Variants in TRPC5 observed in about 807,000 individuals in gnomAD.
TRPC5 encodes short transient receptor potential channel 5.
A neutral mutation model predicts 56.5 loss-of-function variants in TRPC5; 9 were observed. The observed-to-expected ratio is 0.16, with a 90% confidence interval of 0.10 to 0.28. The LOEUF is 0.28. TRPC5 is among the 10% of genes least tolerant of loss of function. TRPC5 has a pLI of 1.00. For synonymous variants in TRPC5, 282 were observed against 278.5 expected (o/e 1.01, Z -0.13); for missense variants, 469 against 748.9 (o/e 0.63, Z 4.36).
rs2148544918 is a variant in TRPC5, at chrX:111,772,315, G to T, written c.*3998C>A. ...GGATTGAAGGTAGGGCTGTGAAGTA[G>T]GTATGAAGAGGTTATTTAAATGATC... On this transcript the variant is annotated 3_prime_UTR_variant, in exon 11 of 11. Coordinates refer to ENST00000262839, the MANE Select transcript of TRPC5 (RefSeq NM_012471.3). Among the ~76,000 whole-genome samples the T allele has an allele frequency of 8.9e-6, 1 of 112,124 alleles. No homozygotes were observed. The highest frequency in any genetic ancestry group is 9.5e-5 in the Admixed American group (1 of 10,548).
intron 3 of TRPC5, among the ~76,000 whole-genome samples, chrX:111,860,815 T>C (rs1462632739): frequency 8.9e-6 from 1 of 112,163 alleles, no homozygotes; most frequent in Non-Finnish European, 1.9e-5. Context: ...TGCCAAATAA[T>C]CCTGTTTACC....
chrX:111,785,268 CAG>C (rs1452032774), intron 7 of TRPC5, among the ~76,000 whole-genome samples: 1 of 112,060 alleles, frequency 8.9e-6, no homozygotes, highest in Admixed American at 9.5e-5. Flanking sequence ...CGCAGGTAAA[CAG>C]GGTCTGGAGT....
At chrX:111,849,189 C>T (rs1178924280) in intron 5 of TRPC5, among the ~76,000 whole-genome samples, 3 of 112,185 alleles carry the variant, frequency 2.7e-5, no homozygotes, top group Non-Finnish European at 5.6e-5. Flanking sequence ...AGAACTGTAA[C>T]CTCAGGGATG....
intron 1 of TRPC5, among the ~76,000 whole-genome samples, chrX:112,079,513 T>C (rs969304896): frequency 8.9e-6 from 1 of 112,244 alleles, no homozygotes; most frequent in African/African-American, 3.2e-5. Context: ...ACATATGAGT[T>C]GATTTCTGGA....
At chrX:112,068,892 C>T (rs1930650990) in intron 1 of TRPC5, among the ~76,000 whole-genome samples, 4 of 111,642 alleles carry the variant, frequency 3.6e-5, no homozygotes, top group Admixed American at 2.9e-4. Flanking sequence ...GTATTGTATA[C>T]TTTTTACACA....
intron 3 of TRPC5, among the ~76,000 whole-genome samples, chrX:111,869,360 T>G (rs1483567307): frequency 8.9e-6 from 1 of 111,880 alleles, no homozygotes; most frequent in Non-Finnish European, 1.9e-5. Context: ...TACCCAAGGA[T>G]TACTGAGACA....
intron 3 of TRPC5, chrX:111,875,909 T>A (rs1923923267): frequency 9.1e-6 from 1 of 109,339 alleles, no homozygotes; most frequent in Non-Finnish European, 1.9e-5. Context: ...TTGTGGTGTG[T>A]GTGTGTGTGC....
chrX:111,923,746 T>G (rs1926185736), intron 2 of TRPC5, among the ~76,000 whole-genome samples: 1 of 111,626 alleles, frequency 9.0e-6, no homozygotes, highest in African/African-American at 3.3e-5. Context: ...CAGGAAATTG[T>G]GAAAATGATG....
intron 1 of TRPC5, among the ~76,000 whole-genome samples, chrX:111,954,404 C>G (rs1338227550): frequency 8.9e-6 from 1 of 112,013 alleles, no homozygotes; most frequent in Non-Finnish European, 1.9e-5. Context: ...GATGGTAGCT[C>G]TTAGGCTAAT....
intron 3 of TRPC5, chrX:111,901,750 C>G: frequency 1.5e-6 from 1 of 662,812 alleles, no homozygotes; most frequent in Admixed American, 4.3e-5. Flanking sequence ...CTAAACCAAC[C>G]ACAGAACCAT....
intron 1 of TRPC5, among the ~76,000 whole-genome samples, chrX:111,993,122 G>T (rs1401974611): frequency 9.9e-6 from 1 of 100,631 alleles, no homozygotes; most frequent in African/African-American, 3.7e-5. Flanking sequence ...TCATTGTTCA[G>T]TTCCTGCCTA....
chrX:111,800,453 C>T (rs900744899), intron 7 of TRPC5, among the ~76,000 whole-genome samples: 9 of 110,908 alleles, frequency 8.1e-5, no homozygotes, highest in African/African-American at 3.0e-4. Context: ...AATATAGTGA[C>T]GCTCTGTCTC....
intron 7 of TRPC5, among the ~76,000 whole-genome samples, chrX:111,832,713 T>C (rs769474058): frequency 2.7e-5 from 3 of 111,425 alleles, no homozygotes; most frequent in Non-Finnish European, 5.6e-5. Flanking sequence ...TGAGATGGTA[T>C]AGACTCCATT....
At chrX:111,979,520 T>G (rs974055749) in intron 1 of TRPC5, among the ~76,000 whole-genome samples, 1 of 111,331 alleles carries the variant, frequency 9.0e-6, no homozygotes, top group Non-Finnish European at 1.9e-5. Context: ...AAGACACTAT[T>G]GAGAAAATGA....
chrX:111,992,811 C>T (rs186786561), intron 1 of TRPC5, among the ~76,000 whole-genome samples: 1 of 109,648 alleles, frequency 9.1e-6, no homozygotes, highest in African/African-American at 3.3e-5. Context: ...CTGTGTTGGC[C>T]AGGCTTGTCT....
At chrX:111,934,029 C>T (rs908994766) in intron 2 of TRPC5, among the ~76,000 whole-genome samples, 1 of 109,961 alleles carries the variant, frequency 9.1e-6, no homozygotes, top group Non-Finnish European at 1.9e-5. Context: ...GAGAATTAAC[C>T]CCATGTCAGA....
At chrX:112,041,876 T>G (rs184206937) in intron 1 of TRPC5, among the ~76,000 whole-genome samples, 122 of 112,010 alleles carry the variant, frequency 1.1e-3, no homozygotes, top group African/African-American at 3.8e-3. Context: ...ATGTGTTTTA[T>G]GAACGTGGCT....
In TRPC5 at chrX:111,847,304, C is replaced by T; in HGVS notation, c.1510G>A (p.Gly504Arg). Residue 504 changes from glycine (G) to arginine (R), a missense_variant, in exon 6 of 11, where the codon GGA (glycine) becomes AGA (arginine). Physicochemically the swap from Gly to Arg is moderately radical, Grantham distance 125. Transcript: ENST00000262839. The part of the protein sequence containing the change: ...ISLFTANSHL[G>R]PLQISLGRML... ...CGTCCCAAAGAGATCTGCAGAGGTC[C>T]TAAGTGGGAGTTGGCTGTGAACAGG... 1 of 1,211,147 alleles carries T rather than the reference C, an allele frequency of 8.3e-7. No individual in the cohort carries two copies. Among genetic ancestry groups the T allele is most frequent in the Non-Finnish European group, 1.1e-6 (1 of 895,436 alleles).
chrX:111,895,303 TG>T (rs1925011993), intron 3 of TRPC5, among the ~76,000 whole-genome samples: 1 of 111,983 alleles, frequency 8.9e-6, no homozygotes, highest in Admixed American at 9.5e-5. Flanking sequence ...CCTATTTATA[TG>T]CTTGTGAGCC....
Sources: allele counts gnomAD v4.1 joint callset (sites outside exome capture counted in the v4.1 genomes callset), GRCh38; gene constraint gnomAD v4.1.1; transcripts MANE v1.5; gene names NCBI Gene and HGNC (gene_info 2026-07-23, HGNC 2026-07-21).